PCDHA9: variants seen among roughly 807,000 people sequenced by gnomAD.
PCDHA9 encodes protocadherin alpha 9, also known as protocadherin alpha-9.
PCDHA9 carries 62 observed loss-of-function variants against 62.0 expected under a neutral mutation model. The observed-to-expected ratio is 1.00, with a 90% confidence interval of 0.81 to 1.23. The LOEUF is 1.23. Ranked by LOEUF, PCDHA9 falls within the 50% of genes most tolerant of loss-of-function variation. PCDHA9 has a pLI of 0.00. For synonymous variants in PCDHA9, 557 were observed against 567.6 expected (o/e 0.98, Z 0.27); for missense variants, 1,205 against 1,249.8 (o/e 0.96, Z 0.54).
chr5:140,879,425 T>G (rs547741272), intron 1 of PCDHA9, among the ~76,000 whole-genome samples: 1 of 152,320 alleles, frequency 6.6e-6, no homozygotes, highest in East Asian at 1.9e-4. Flanking sequence ...GGAATGGAGA[T>G]GAACATTTAA....
chr5:140,889,551 C>A (rs981990006), intron 1 of PCDHA9, among the ~76,000 whole-genome samples: 1 of 152,074 alleles, frequency 6.6e-6, no homozygotes, highest in Non-Finnish European at 1.5e-5. Flanking sequence ...ATTTACTTTT[C>A]TTCAGAATTC....
intron 1 of PCDHA9, among the ~76,000 whole-genome samples, chr5:140,917,501 A>G (rs557906425): frequency 6.6e-6 from 1 of 152,020 alleles, no homozygotes; most frequent in East Asian, 1.9e-4. Context: ...CCAGAATGAT[A>G]TTTTCTAGGT....
intron 1 of PCDHA9, chr5:140,865,908 T>A (rs1023181309): frequency 2.6e-5 from 4 of 152,274 alleles, no homozygotes; most frequent in African/African-American, 9.6e-5. Flanking sequence ...GGCAAATCTT[T>A]CTTTCTGTTG....
Position 140,848,471 on chromosome 5 carries a change from A to C in PCDHA9, c.-25A>C, listed in dbSNP as rs1410675725. 39 of 1,555,188 alleles carry C rather than the reference A, an allele frequency of 2.5e-5. 4 individuals carry two copies. Among genetic ancestry groups the C allele is most frequent in the Non-Finnish European group, 3.2e-5 (37 of 1,144,100 alleles). On this transcript the variant is annotated 5_prime_UTR_variant, in exon 1 of 4. Transcript: ENST00000532602. ...TCTAATTTGGAGGCAATTTTCACTA[A>C]TTAGAAGAAGACTGAGTATTTGAAA...
intron 3 of PCDHA9, among the ~76,000 whole-genome samples, chr5:140,996,702 T>A (rs2097740306): frequency 6.6e-6 from 1 of 152,174 alleles, no homozygotes; most frequent in African/African-American, 2.4e-5. Context: ...TGAACCTCTA[T>A]CTCTTTGATT....
At chr5:140,925,131 T>A (rs986113292) in intron 1 of PCDHA9, among the ~76,000 whole-genome samples, 5 of 150,904 alleles carry the variant, frequency 3.3e-5, no homozygotes, top group East Asian at 1.9e-4. Context: ...GGAAAAAAAA[T>A]TTCAAACATA....
chr5:140,871,533 G>T, intron 1 of PCDHA9: 1 of 1,516,446 alleles, frequency 6.6e-7, no homozygotes, highest in Non-Finnish European at 8.8e-7. Flanking sequence ...GGAAGTGTAT[G>T]TGAAATTATT....
intron 3 of PCDHA9, among the ~76,000 whole-genome samples, chr5:141,000,248 C>T (rs1027764843): frequency 2.6e-5 from 4 of 151,280 alleles, no homozygotes; most frequent in Non-Finnish European, 4.4e-5. Context: ...GTGGCTGACA[C>T]CTGTGATCCT....
At chr5:140,857,793 G>T (rs782663646) in intron 1 of PCDHA9, 3 of 1,597,706 alleles carry the variant, frequency 1.9e-6, no homozygotes, top group Non-Finnish European at 2.6e-6. Flanking sequence ...CTGGTGCTGC[G>T]GTCGGTGGTT....
intron 3 of PCDHA9, among the ~76,000 whole-genome samples, chr5:141,002,843 A>G (rs2098098678): frequency 6.6e-6 from 1 of 152,224 alleles, no homozygotes; most frequent in African/African-American, 2.4e-5. Context: ...AGGACTATGC[A>G]CTAGTGAGAG....
intron 1 of PCDHA9, chr5:140,967,558 C>G (rs1554229674): frequency 6.2e-7 from 1 of 1,614,050 alleles, no homozygotes; most frequent in South Asian, 1.1e-5. Flanking sequence ...CTTATCGCGT[C>G]CAGCTACGGG....
intron 1 of PCDHA9, chr5:140,876,474 C>T: frequency 6.2e-7 from 1 of 1,614,014 alleles, no homozygotes; most frequent in Non-Finnish European, 8.5e-7. Flanking sequence ...CAGGTCACAG[C>T]ATGGTCCTGG....
chr5:140,967,310 G>A (rs2096126313), intron 1 of PCDHA9: 1 of 1,611,338 alleles, frequency 6.2e-7, no homozygotes, highest in East Asian at 2.2e-5. Context: ...CGCCAACTCA[G>A]TACAGACCTA....
chr5:140,972,391 C>T (rs1554234093), intron 1 of PCDHA9, among the ~76,000 whole-genome samples: 3 of 151,490 alleles, frequency 2.0e-5, no homozygotes, highest in African/African-American at 7.3e-5. Flanking sequence ...TGTTTATTTG[C>T]TTCACTATTG....
chr5:141,011,182 G>T lies in PCDHA9; in HGVS notation c.*1245G>T, dbSNP rs887034679. On this transcript the variant is annotated 3_prime_UTR_variant, in exon 4 of 4. Coordinates refer to ENST00000532602, the MANE Select transcript of PCDHA9 (RefSeq NM_031857.2). ...TATATATCAAGACCCAAAAATTGAA[G>T]AAAAATATTGTTTTCTCATACAGTG... 1.3e-5 allele frequency: 2 copies of T among 153,494 alleles called. No individual in the cohort carries two copies. Among genetic ancestry groups the T allele is most frequent in the Admixed American group, 6.6e-5 (1 of 15,254 alleles). The allele number at this position is 153,494 out of a possible 1,614,324, so 9.5% of individuals were successfully genotyped here.
intron 3 of PCDHA9, among the ~76,000 whole-genome samples, chr5:141,007,324 A>G (rs35241677): frequency 0.053 from 8,037 of 150,420 alleles, 253 homozygotes; most frequent in South Asian, 0.11. Context: ...GCTAAAGTGG[A>G]CAGATTGCCT....
At chr5:140,938,699 A>G (rs1418739484) in intron 1 of PCDHA9, among the ~76,000 whole-genome samples, 4 of 152,128 alleles carry the variant, frequency 2.6e-5, no homozygotes, top group African/African-American at 4.8e-5. Context: ...TTTTAAATAT[A>G]TGTTTATGAT....
chr5:140,853,247 C>T lies in PCDHA9; in HGVS notation c.2394+2358C>T, dbSNP rs985398812. ...GTAATTTAGTCCTTCATATTAATCT[C>T]TATTCTCTCTCAGAGTACAAGCTCT... On this transcript the variant is annotated intron_variant, in intron 1 of 3. Transcript: ENST00000532602. 2 of 976,048 alleles carry T rather than the reference C, an allele frequency of 2.0e-6. 1 individual carries two copies. Among genetic ancestry groups the T allele is most frequent in the Non-Finnish European group, 2.5e-6 (2 of 809,028 alleles). 60.5% of individuals were successfully genotyped at this position (976,048 alleles called of 1,614,324 possible).
intron 1 of PCDHA9, among the ~76,000 whole-genome samples, chr5:140,965,292 C>T (rs1305794672): frequency 6.6e-6 from 1 of 152,152 alleles, no homozygotes; most frequent in Non-Finnish European, 1.5e-5. Flanking sequence ...GAAAGATTTC[C>T]TCTGATCCTT....
Sources: gnomAD v4.1 joint callset for allele counts (sites outside exome capture counted in the v4.1 genomes callset) on GRCh38, gnomAD v4.1.1 for gene constraint, MANE v1.5 for transcripts, NCBI Gene and HGNC (gene_info 2026-07-23, HGNC 2026-07-21) for gene names.